TENM3: variants seen among roughly 807,000 people sequenced by gnomAD.
The protein encoded by TENM3 is teneurin transmembrane protein 3, also known as teneurin-3.
A neutral mutation model predicts 255.1 loss-of-function variants in TENM3; 63 were observed. That is an observed-to-expected ratio of 0.25 (90% confidence interval 0.20 to 0.30). TENM3 has a LOEUF of 0.30. Among genes scored for constraint, TENM3 ranks in the 10% least tolerant of loss-of-function variants. The probability of loss-of-function intolerance (pLI) is 1.00; values close to 1 mark genes in which losing one functional copy is unlikely to be tolerated. For missense variants in TENM3, 2,929 were observed against 3,461.1 expected, an observed-to-expected ratio of 0.85 and a Z score of 3.86; for synonymous variants, 1,306 against 1,322.3, an observed-to-expected ratio of 0.99 and a Z score of 0.27.
chr4:182,262,959 T>C (rs575115219), intron 1 of TENM3, among the ~76,000 whole-genome samples: 15 of 152,192 alleles, frequency 9.9e-5, no homozygotes, highest in South Asian at 4.1e-4. Flanking sequence ...GTGATCCGCC[T>C]GCCTCGGCCT....
chr4:182,002,221 T>C, the TENM3 span, among the ~76,000 whole-genome samples: 1 of 152,096 alleles, frequency 6.6e-6, no homozygotes, highest in Non-Finnish European at 1.5e-5. Context: ...ACAGAAAGCA[T>C]GTTTACTTGA....
At chr4:182,238,884 G>A (rs1434100260), upstream of TENM3, among the ~76,000 whole-genome samples, 2 of 151,944 alleles carry the variant, frequency 1.3e-5, no homozygotes, top group Non-Finnish European at 2.9e-5. Context: ...ACTAACATCT[G>A]AGTCTGTGTC....
chr4:182,257,326 T>C (rs1758470978), intron 1 of TENM3, among the ~76,000 whole-genome samples: 1 of 152,186 alleles, frequency 6.6e-6, no homozygotes. Context: ...GTGTGTTATA[T>C]ACACATAGGT....
chr4:182,064,947 C>T, the TENM3 span, among the ~76,000 whole-genome samples: 1 of 152,094 alleles, frequency 6.6e-6, no homozygotes, highest in African/African-American at 2.4e-5. Context: ...TTTGATGGTG[C>T]TCTTTTGGAT....
chr4:181,703,981 A>G, the TENM3 span, among the ~76,000 whole-genome samples: 9 of 152,174 alleles, frequency 5.9e-5, no homozygotes, highest in African/African-American at 2.2e-4. Flanking sequence ...CTGTCCAGGA[A>G]CGGAATGACA....
At chr4:182,644,690 T>C (rs1752588396) in intron 5 of TENM3, among the ~76,000 whole-genome samples, 1 of 152,186 alleles carries the variant, frequency 6.6e-6, no homozygotes, top group Non-Finnish European at 1.5e-5. Context: ...ATTAATAAGG[T>C]TTTTTCTTAA....
At chr4:181,472,018 A>T in the TENM3 span, among the ~76,000 whole-genome samples, 1 of 152,048 alleles carries the variant, frequency 6.6e-6, no homozygotes, top group Non-Finnish European at 1.5e-5. Context: ...GGTGTAGGGC[A>T]GGACACTTGT....
chr4:182,504,019 A>T lies in TENM3; in HGVS notation c.512-96905A>T, dbSNP rs911193673. 1.5e-4 allele frequency among the ~76,000 whole-genome samples: 22 copies of T among 150,684 alleles called. No homozygotes were observed. The East Asian group carries it at 1.6e-3, about 11-fold the overall frequency. ...TATTATCTAATTTACATATATATAT[A>T]TTTTTATTTTATTTACTGCCTTTCC... On this transcript the variant is annotated intron_variant, in intron 3 of 27. Transcript: ENST00000511685.
intron 1 of TENM3, among the ~76,000 whole-genome samples, chr4:182,315,407 G>GT (rs34862697): frequency 0.18 from 27,215 of 147,948 alleles, 2,626 homozygotes; most frequent in Middle Eastern, 0.25. Flanking sequence ...AAATTCTAGG[G>GT]TTTTTTTTTT....
intron 3 of TENM3, among the ~76,000 whole-genome samples, chr4:182,513,670 T>TTA (rs1457964604): frequency 1.3e-5 from 2 of 152,216 alleles, no homozygotes; most frequent in African/African-American, 4.8e-5. Flanking sequence ...ACTGTGTTTC[T>TTA]TATTTCCTGC....
intron 1 of TENM3, among the ~76,000 whole-genome samples, chr4:182,276,482 G>A (rs1447274489): frequency 2.6e-5 from 4 of 152,190 alleles, no homozygotes; most frequent in Non-Finnish European, 5.9e-5. Context: ...ACTCGAATGC[G>A]AACCTGTCTC....
At chr4:181,511,140 C>T in the TENM3 span, among the ~76,000 whole-genome samples, 9 of 152,224 alleles carry the variant, frequency 5.9e-5, no homozygotes, top group East Asian at 3.9e-4. Context: ...ATTCTAGAAT[C>T]GAGGAGAAAG....
At chr4:182,426,512 A>G (rs1393101802) in intron 3 of TENM3, among the ~76,000 whole-genome samples, 1 of 152,184 alleles carries the variant, frequency 6.6e-6, no homozygotes, top group Non-Finnish European at 1.5e-5. Context: ...TGACTTTTCA[A>G]ATCATCTTGA....
the TENM3 span, among the ~76,000 whole-genome samples, chr4:182,016,919 G>A: frequency 6.6e-6 from 1 of 152,238 alleles, no homozygotes; most frequent in East Asian, 1.9e-4. Context: ...AATTTAAAAT[G>A]TAAAAAAGAG....
At chr4:182,603,236 A>G (rs965018915) in intron 4 of TENM3, among the ~76,000 whole-genome samples, 5 of 152,206 alleles carry the variant, frequency 3.3e-5, no homozygotes, top group Non-Finnish European at 7.3e-5. Context: ...GTGAGTAGTT[A>G]CTGAGATTTT....
intron 24 of TENM3, among the ~76,000 whole-genome samples, chr4:182,777,241 C>G (rs1456277843): frequency 6.6e-6 from 1 of 152,004 alleles, no homozygotes; most frequent in Non-Finnish European, 1.5e-5. Context: ...AGCAGAATGT[C>G]CTGTTCATTT....
At chr4:182,419,526 AC>A (rs1421843542) in intron 3 of TENM3, among the ~76,000 whole-genome samples, 3 of 152,212 alleles carry the variant, frequency 2.0e-5, no homozygotes, top group Admixed American at 1.3e-4. Flanking sequence ...CTGGGCATAT[AC>A]CCAAAGGACT....
the TENM3 span, among the ~76,000 whole-genome samples, chr4:181,450,332 T>A: frequency 6.6e-6 from 1 of 152,160 alleles, no homozygotes; most frequent in African/African-American, 2.4e-5. Context: ...ATTACTGGGG[T>A]AAGTAATAAG....
chr4:182,046,871 G>A, the TENM3 span, among the ~76,000 whole-genome samples: 1 of 152,104 alleles, frequency 6.6e-6, no homozygotes, highest in African/African-American at 2.4e-5. Flanking sequence ...GACTTTTTAG[G>A]TAGCGTGCAG....
Sources: allele counts gnomAD v4.1 joint callset (sites outside exome capture counted in the v4.1 genomes callset), GRCh38; gene constraint gnomAD v4.1.1; transcripts MANE v1.5; gene names NCBI Gene and HGNC (gene_info 2026-07-23, HGNC 2026-07-21).